Variants in DGLUCY observed in about 807,000 individuals in gnomAD.
The protein encoded by DGLUCY is D-glutamate cyclase, also known as D-glutamate cyclase, mitochondrial.
Under a neutral mutation model 58.5 loss-of-function variants are expected in DGLUCY, and 58 were observed. The observed-to-expected ratio is 0.99, with a 90% CI of 0.80 to 1.23. DGLUCY has a LOEUF of 1.23. Ranked by LOEUF, DGLUCY falls within the 50% of genes most tolerant of loss-of-function variation. DGLUCY has a pLI of 0.00. For missense variants in DGLUCY, 779 were observed against 784.7 expected (o/e 0.99, Z 0.09); for synonymous variants, 325 against 314.1 (o/e 1.03, Z -0.37).
intron 1 of DGLUCY, among the ~76,000 whole-genome samples, chr14:91,097,575 A>G (rs1003643794): frequency 6.6e-6 from 1 of 152,170 alleles, no homozygotes; most frequent in Non-Finnish European, 1.5e-5. Context: ...AAACAGTTCA[A>G]CACAGACAGT....
chr14:91,211,976 T>A (rs1885742695), intron 12 of DGLUCY, among the ~76,000 whole-genome samples: 1 of 152,060 alleles, frequency 6.6e-6, no homozygotes, highest in African/African-American at 2.4e-5. Context: ...AATTTTTGTA[T>A]TTTTTTAATA....
upstream of DGLUCY, among the ~76,000 whole-genome samples, chr14:91,110,430 CTTTTTTTT>C (rs10711938): frequency 1.1e-5 from 1 of 88,062 alleles, no homozygotes; most frequent in South Asian, 4.0e-4. Context: ...TTCTTTCTTT[CTTTTTTTT>C]TTTTTTTTTT....
intron 11 of DGLUCY, among the ~76,000 whole-genome samples, chr14:91,202,225 G>A (rs904413034): frequency 6.6e-6 from 1 of 152,074 alleles, no homozygotes; most frequent in African/African-American, 2.4e-5. Context: ...CAGCTAATTA[G>A]TGTTGCTGGT....
At chr14:91,218,170 G>A (rs1213889137) in intron 13 of DGLUCY, among the ~76,000 whole-genome samples, 1 of 152,100 alleles carries the variant, frequency 6.6e-6, no homozygotes, top group African/African-American at 2.4e-5. Flanking sequence ...TGCCCTAGAG[G>A]GGCCCAGAGG....
chr14:91,161,800 G>A (rs1034761401), intron 3 of DGLUCY, among the ~76,000 whole-genome samples: 1 of 121,598 alleles, frequency 8.2e-6, no homozygotes, highest in Middle Eastern at 3.8e-3. Context: ...AAGTAATTGC[G>A]ATTTTTGCCA....
At chr14:91,196,787 G>A (rs1326281411) in intron 10 of DGLUCY, among the ~76,000 whole-genome samples, 1 of 150,938 alleles carries the variant, frequency 6.6e-6, no homozygotes, top group Non-Finnish European at 1.5e-5. Context: ...GTCTCAAACT[G>A]TGGGTCATGA....
chr14:91,195,913 G>A lies in DGLUCY; in HGVS notation c.1196-462G>A, dbSNP rs539334760. Among the ~76,000 whole-genome samples, 15 of 152,098 alleles carry A rather than the reference G, an allele frequency of 9.9e-5. 1 individual carries two copies. In the South Asian group the frequency reaches 1.9e-3, roughly 19 times the overall value. ...TCTCAATCTCCTGACCTCGTGATCC[G>A]CCCACCTTGGCCTCCCAAAGTGCTG... On this transcript the variant is annotated intron_variant, in intron 9 of 13. Transcript: ENST00000256324.
chr14:91,188,314 A>G (rs942596204), intron 8 of DGLUCY, among the ~76,000 whole-genome samples: 1 of 152,292 alleles, frequency 6.6e-6, no homozygotes, highest in East Asian at 1.9e-4. Context: ...CGTCACTTCC[A>G]TCACGATCCA....
intron 1 of DGLUCY, among the ~76,000 whole-genome samples, chr14:91,157,063 G>GTGGATGGA (rs146037809): frequency 3.9e-4 from 58 of 149,490 alleles, no homozygotes; most frequent in Admixed American, 9.3e-4. Flanking sequence ...GGGTGAGTGG[G>GTGGATGGA]TGGATGGATG....
chr14:91,208,034 C>T (rs1333156443), intron 12 of DGLUCY, among the ~76,000 whole-genome samples: 6 of 152,200 alleles, frequency 3.9e-5, no homozygotes, highest in Non-Finnish European at 8.8e-5. Flanking sequence ...AGGAGAGAGC[C>T]ACCACGCCCG....
chr14:91,128,310 A>C (rs1595704779), intron 1 of DGLUCY, among the ~76,000 whole-genome samples: 1 of 24,086 alleles, frequency 4.2e-5, no homozygotes, highest in Admixed American at 5.8e-4. Flanking sequence ...CCATCTCTAC[A>C]AAAAAAAAAA....
At chr14:91,143,973 C>T (rs1349778624) in intron 1 of DGLUCY, among the ~76,000 whole-genome samples, 4 of 152,172 alleles carry the variant, frequency 2.6e-5, no homozygotes, top group Non-Finnish European at 4.4e-5. Flanking sequence ...TGTGCCACCG[C>T]GAAGGGCCAC....
intron 13 of DGLUCY, chr14:91,215,963 C>T (rs1886459087): frequency 2.9e-6 from 1 of 346,714 alleles, no homozygotes; most frequent in Non-Finnish European, 5.6e-6. Flanking sequence ...CCAGCGAGGC[C>T]ACTAAAACCT....
In DGLUCY at chr14:91,160,331, T is replaced by A. The variant is rs147625749; in HGVS notation, c.37T>A (p.Ser13Thr). The change falls in exon 3 of 14, where the codon TCT becomes ACT. Residue 13 changes from serine (S) to threonine (T), a missense_variant. By Grantham distance (58) the Ser-to-Thr change is moderately conservative (BLOSUM62 1). Transcript: ENST00000256324. Reference sequence around the variant, plus strand: ...ACTCCACCTGAGGTCCCGCCTTCCCTCTGCCATAAGGAGTTTGATTCTACA... The same window carrying A: ...ACTCCACCTGAGGTCCCGCCTTCCCACTGCCATAAGGAGTTTGATTCTACA... ...FTLHLRSRLP[S>T]AIRSLILQKK... The A allele has an allele frequency of 1.1e-4, 169 of 1,608,702 alleles. 2 individuals carry two copies. The South Asian group carries it at 1.7e-3, about 16-fold the overall frequency.
intron 4 of DGLUCY, among the ~76,000 whole-genome samples, chr14:91,168,773 T>G (rs2048414465): frequency 6.6e-6 from 1 of 152,216 alleles, no homozygotes; most frequent in African/African-American, 2.4e-5. Context: ...CACCTATCAA[T>G]TAGGGTTACG....
intron 9 of DGLUCY, among the ~76,000 whole-genome samples, chr14:91,195,805 G>C (rs2050166473): frequency 6.6e-6 from 1 of 151,720 alleles, no homozygotes; most frequent in South Asian, 2.1e-4. Flanking sequence ...CGAGTAGCTG[G>C]AACTATAGGC....
At chr14:91,153,984 C>T (rs1403803163) in intron 1 of DGLUCY, among the ~76,000 whole-genome samples, 1 of 152,170 alleles carries the variant, frequency 6.6e-6, no homozygotes, top group Non-Finnish European at 1.5e-5. Context: ...CGACTCACTG[C>T]AGCCTCTGCC....
At chr14:91,121,802 A>G (rs185386465) in intron 1 of DGLUCY, among the ~76,000 whole-genome samples, 2 of 152,182 alleles carry the variant, frequency 1.3e-5, no homozygotes, top group Admixed American at 1.3e-4. Context: ...AGCAGGGGGA[A>G]AAAAATGACA....
chr14:91,214,377 C>T (rs1886194367), intron 12 of DGLUCY, among the ~76,000 whole-genome samples: 1 of 152,114 alleles, frequency 6.6e-6, no homozygotes, highest in African/African-American at 2.4e-5. Context: ...GGAGATGGTC[C>T]CAAAACTGGG....
Sources: gnomAD v4.1 joint callset for allele counts (sites outside exome capture counted in the v4.1 genomes callset) on GRCh38, gnomAD v4.1.1 for gene constraint, MANE v1.5 for transcripts, NCBI Gene and HGNC (gene_info 2026-07-23, HGNC 2026-07-21) for gene names.